CABP5: variants seen among roughly 807,000 people sequenced by gnomAD.
CABP5 encodes the protein calcium binding protein 5, also known as calcium-binding protein 5.
In CABP5, 17 loss-of-function variants were observed where a neutral mutation model predicts 21.9. The observed-to-expected ratio is 0.78, with a 90% CI of 0.53 to 1.17. CABP5 has a LOEUF of 1.17. CABP5 is among the 50% of genes most tolerant of loss of function. CABP5 has a pLI of 0.00. For missense variants in CABP5, 229 were observed against 228.9 expected, an observed-to-expected ratio of 1.00 and a Z score of 0.00; for synonymous variants, 85 against 79.4, an observed-to-expected ratio of 1.07 and a Z score of -0.37.
rs538057992 is a variant in CABP5 at position 48,032,539 on chromosome 19, G to A, written c.496+1676C>T. Among the ~76,000 whole-genome samples the A allele has an allele frequency of 5.0e-4, 76 of 152,062 alleles. No homozygotes were observed. The South Asian group carries it at 0.011, about 21-fold the overall frequency. On this transcript the variant is annotated intron_variant, in intron 5 of 5. Coordinates refer to ENST00000293255, the MANE Select transcript of CABP5 (RefSeq NM_019855.5). ...GAGATGGGTTTCACGGTGTTGCCCA[G>A]TCTGGTCTTGAACTCCTGAGCTCAG...
intron 5 of CABP5, 97 bp from the exon 6 acceptor site, chr19:48,030,679 G>C: frequency 8.7e-7 from 1 of 1,148,252 alleles, no homozygotes; most frequent in Non-Finnish European, 1.3e-6. Flanking sequence ...CACTGCTGGT[G>C]ATCCCTGGGA....
intron 1 of CABP5, among the ~76,000 whole-genome samples, chr19:48,041,897 G>A (rs1967486727): frequency 6.6e-6 from 1 of 152,056 alleles, no homozygotes; most frequent in South Asian, 2.1e-4. Flanking sequence ...AAACACTGGG[G>A]AGTCCAATCT....
At chr19:48,038,379 A>T (rs929443690) in intron 4 of CABP5, among the ~76,000 whole-genome samples, 1 of 152,172 alleles carries the variant, frequency 6.6e-6, no homozygotes, top group Non-Finnish European at 1.5e-5. Flanking sequence ...CAGAACGAGA[A>T]GGTATTTTAT....
chr19:48,040,165 C>T (rs1453324535), intron 3 of CABP5, among the ~76,000 whole-genome samples: 1 of 152,190 alleles, frequency 6.6e-6, no homozygotes, highest in Non-Finnish European at 1.5e-5. Context: ...GCTCCAATCT[C>T]GTGCTCCACT....
At chr19:48,040,549 A>G (rs1393746266) in intron 3 of CABP5, 56 bp downstream of exon 3, 7 of 1,596,016 alleles carry the variant, frequency 4.4e-6, no homozygotes, top group East Asian at 2.2e-5. Context: ...ATCCTTCCCA[A>G]TTCTGCCCTG....
rs747544041 is a variant in CABP5 at position 48,040,723 on chromosome 19, G to A, written c.120C>T (p.Phe40=). 5.6e-6 allele frequency: 9 copies of A among 1,613,942 alleles called. No individual in the cohort carries two copies. Among genetic ancestry groups the A allele is most frequent in the East Asian group, 2.2e-5 (1 of 44,880 alleles). Residue 40 remains phenylalanine, a synonymous_variant, in exon 3 of 6, where the codon TTC becomes TTT. Transcript: ENST00000293255. ...AGATGAACCCATCTCGGTCCTTATC[G>A]AACTCAAGAAATGCTTCCCGCAGCT... is the stretch of plus-strand genomic sequence containing the variant. ...IEELREAFLE[F]DKDRDGFISC...
At chr19:48,038,167 G>A (rs760253830) in intron 4 of CABP5, among the ~76,000 whole-genome samples, 6 of 151,852 alleles carry the variant, frequency 4.0e-5, no homozygotes, top group African/African-American at 7.3e-5. Context: ...CACCTGCATC[G>A]GCCTCCCAAA....
At chr19:48,030,642 T>C in intron 5 of CABP5, 60 bp from the exon 6 acceptor site, 4 of 1,561,602 alleles carry the variant, frequency 2.6e-6, no homozygotes, top group Non-Finnish European at 3.5e-6. Flanking sequence ...CCCAACATTA[T>C]TTTTTGAGCC....
At chr19:48,042,560 C>CT (rs1568414974) in intron 1 of CABP5, among the ~76,000 whole-genome samples, 1 of 140,830 alleles carries the variant, frequency 7.1e-6, no homozygotes, top group Admixed American at 7.9e-5. Context: ...CCTTATCACC[C>CT]TTTTTTTCAT....
chr19:48,034,226 A>T lies in CABP5; in HGVS notation c.485T>A (p.Val162Asp). 1 of 1,584,456 alleles carries T rather than the reference A, an allele frequency of 6.3e-7. No homozygotes were observed. The highest frequency in any genetic ancestry group is 8.6e-7 in the Non-Finnish European group (1 of 1,166,258). ...READVNGDGTVDFEEFVKMMS... is the reference protein window; with the variant it reads ...READVNGDGTDDFEEFVKMMS... ...CCCGTCAATGTCACCTTCAAAGTCA[A>T]CTGTGCCGTCTCCATTAACATCAGC... Residue 162 changes from valine to aspartate, a missense_variant, in exon 5 of 6, where the codon GTT (valine) becomes GAT (aspartate). By Grantham distance (152) the Val-to-Asp change is radical (BLOSUM62 -3). Coordinates refer to ENST00000293255, the MANE Select transcript of CABP5 (RefSeq NM_019855.5).
At chr19:48,039,076 G>A (rs1600126539) in intron 4 of CABP5, 132 bp downstream of exon 4, 2 of 646,706 alleles carry the variant, frequency 3.1e-6, no homozygotes, top group East Asian at 5.4e-5. Flanking sequence ...CCTATTTATT[G>A]ATCCCACCAT....
chr19:48,039,703 CT>C (rs772482700), intron 3 of CABP5, among the ~76,000 whole-genome samples: 289 of 59,180 alleles, frequency 4.9e-3, no homozygotes, highest in African/African-American at 0.017. Context: ...AACCCAATAG[CT>C]TTTTTTTTTT....
Position 48,030,380 on chromosome 19 carries a change from T to C in CABP5, c.*177A>G, listed in dbSNP as rs1172311013. On this transcript the variant is annotated 3_prime_UTR_variant, in exon 6 of 6. Coordinates refer to ENST00000293255, the MANE Select transcript of CABP5 (RefSeq NM_019855.5). ...TCTAGTTCTGCAGACGCCCCCATCC[T>C]GGCAAAGATACCGCTCTGGGTCTCA... is the stretch of plus-strand genomic sequence containing the variant. The C allele has an allele frequency of 3.5e-6, 2 of 568,470 alleles. No individual in the cohort carries two copies. The highest frequency in any genetic ancestry group is 3.6e-5 in the Admixed American group (1 of 27,404). 35.2% of individuals were successfully genotyped at this position (568,470 alleles called of 1,614,324 possible).
chr19:48,034,617 C>T (rs976544781), intron 4 of CABP5, among the ~76,000 whole-genome samples: 1 of 150,356 alleles, frequency 6.7e-6, no homozygotes, highest in Non-Finnish European at 1.5e-5. Flanking sequence ...GCAATCTCAG[C>T]TCACTGCAGC....
chr19:48,037,798 G>A (rs1463410113), intron 4 of CABP5, among the ~76,000 whole-genome samples: 3 of 152,064 alleles, frequency 2.0e-5, no homozygotes, highest in Non-Finnish European at 2.9e-5. Context: ...TGCTTAATTA[G>A]GATACTTAGC....
At chr19:48,037,259 C>CTTTTTTTTTTTTTTTTTTTTTTTTTTTT (rs57230665) in intron 4 of CABP5, among the ~76,000 whole-genome samples, 1 of 44,976 alleles carries the variant, frequency 2.2e-5, no homozygotes, top group Non-Finnish European at 4.0e-5. Flanking sequence ...TACTATTCAG[C>CTTTTTTTTTTTTTTTTTTTTTTTTTTTT]TTTTTTTTTT....
chr19:48,030,528 G>A lies in CABP5; in HGVS notation c.*29C>T. 6.2e-7 allele frequency: 1 copy of A among 1,607,298 alleles called. No individual in the cohort carries two copies. ...AGCGCTTGCTCCATGTTGACCAGGT[G>A]GAGAGGGTCTGGAGCTTCCAGGACC... On this transcript the variant is annotated 3_prime_UTR_variant, in exon 6 of 6. Transcript: ENST00000293255.
At chr19:48,036,217 G>T (rs1411509367) in intron 4 of CABP5, among the ~76,000 whole-genome samples, 1 of 152,088 alleles carries the variant, frequency 6.6e-6, no homozygotes, top group Non-Finnish European at 1.5e-5. Context: ...AAAAAAAAAT[G>T]TGTCAGTAGT....
chr19:48,029,837 A>AGACAGAGAGAG lies in CABP5; in HGVS notation c.*719_*720insCTCTCTCTGTC, dbSNP rs55880842. The AGACAGAGAGAG allele has an allele frequency of 6.7e-6, 1 of 149,864 alleles. No homozygotes were observed. The highest frequency in any genetic ancestry group is 2.4e-5 in the African/African-American group (1 of 40,844). 9.3% of individuals were successfully genotyped at this position (149,864 alleles called of 1,614,324 possible). On this transcript the variant is annotated 3_prime_UTR_variant, in exon 6 of 6. Transcript: ENST00000293255. ...GAGAGAGAGAGAGAGAGAGAGAGAG[A>AGACAGAGAGAG]AACCAGACAGTGCTTCCAGGAAATC...
Sources: allele counts gnomAD v4.1 joint callset (sites outside exome capture counted in the v4.1 genomes callset), GRCh38; gene constraint gnomAD v4.1.1; transcripts MANE v1.5; gene names NCBI Gene and HGNC (gene_info 2026-07-23, HGNC 2026-07-21).